ZNF521: variants seen among roughly 807,000 people sequenced by gnomAD.
ZNF521 encodes the protein zinc finger protein 521, also known as LYST-interacting protein 3.
A neutral mutation model predicts 105.5 loss-of-function variants in ZNF521; 14 were observed. The ratio of observed to expected loss-of-function variants is 0.13; its 90% confidence interval spans 0.09 to 0.21. The LOEUF (loss-of-function observed/expected upper bound fraction) is 0.21. ZNF521 is among the 10% of genes least tolerant of loss of function. The pLI is 1.00. For missense variants in ZNF521, 1,233 were observed against 1,629.7 expected, an observed-to-expected ratio of 0.76 and a Z score of 4.19; for synonymous variants, 635 against 606.0, an observed-to-expected ratio of 1.05 and a Z score of -0.70.
intron 6 of ZNF521, among the ~76,000 whole-genome samples, chr18:25,090,920 A>G (rs576743978): frequency 6.6e-6 from 1 of 152,338 alleles, no homozygotes; most frequent in East Asian, 1.9e-4. Context: ...AAGAGTTCCA[A>G]AAGAAGGATG....
At chr18:25,116,242 T>C (rs921615107) in intron 5 of ZNF521, among the ~76,000 whole-genome samples, 1 of 152,012 alleles carries the variant, frequency 6.6e-6, no homozygotes, top group African/African-American at 2.4e-5. Context: ...TGAACTGCCA[T>C]TGGAATAGAA....
chr18:25,276,332 C>T (rs1163397004), intron 3 of ZNF521, among the ~76,000 whole-genome samples: 4 of 151,410 alleles, frequency 2.6e-5, no homozygotes, highest in African/African-American at 9.7e-5. Context: ...AAATATAATA[C>T]CCAATAGACT....
At chr18:25,138,261 C>A (rs567276146) in intron 5 of ZNF521, among the ~76,000 whole-genome samples, 1 of 152,242 alleles carries the variant, frequency 6.6e-6, no homozygotes, top group Non-Finnish European at 1.5e-5. Context: ...CAGAGGGTGT[C>A]AAAGACCTCA....
intron 2 of ZNF521, among the ~76,000 whole-genome samples, chr18:25,346,160 C>T (rs1182276367): frequency 2.6e-5 from 4 of 151,918 alleles, no homozygotes; most frequent in African/African-American, 9.7e-5. Context: ...ATTACCTTTA[C>T]ACACAAACTT....
intron 2 of ZNF521, chr18:25,327,551 C>G (rs184187404): frequency 1.0e-5 from 7 of 694,656 alleles, no homozygotes; most frequent in Non-Finnish European, 1.6e-5. Flanking sequence ...TATGTTTATA[C>G]TTTTTAAGAA....
intron 7 of ZNF521, among the ~76,000 whole-genome samples, chr18:25,079,600 TAAGAGAGAGA>T (rs1197386145): frequency 1.1e-4 from 3 of 28,004 alleles, no homozygotes; most frequent in East Asian, 1.3e-3. Flanking sequence ...CAGGAAAAAG[TAAGAGAGAGA>T]GAGAGAGAGA....
intron 2 of ZNF521, chr18:25,327,455 AG>A: frequency 8.5e-7 from 1 of 1,170,896 alleles, no homozygotes; most frequent in Non-Finnish European, 1.1e-6. Flanking sequence ...ACACCTAAAA[AG>A]AAAATCAGAG....
At chr18:25,263,572 C>CTTTG (rs954112853) in intron 3 of ZNF521, among the ~76,000 whole-genome samples, 87 of 151,380 alleles carry the variant, frequency 5.7e-4, no homozygotes, top group African/African-American at 2.1e-3. Flanking sequence ...AGGTCAACAA[C>CTTTG]TTTGTTTGTT....
intron 7 of ZNF521, among the ~76,000 whole-genome samples, chr18:25,078,549 G>A (rs550503783): frequency 1.3e-5 from 2 of 152,146 alleles, no homozygotes; most frequent in Non-Finnish European, 2.9e-5. Flanking sequence ...CTTAATGCAT[G>A]ACCTCTCACC....
intron 3 of ZNF521, among the ~76,000 whole-genome samples, chr18:25,319,981 T>C (rs1912850273): frequency 6.6e-6 from 1 of 152,072 alleles, no homozygotes; most frequent in African/African-American, 2.4e-5. Flanking sequence ...AAAAATGTCA[T>C]GGTCAGGAAA....
chr18:25,133,977 G>C (rs958856263), intron 5 of ZNF521, among the ~76,000 whole-genome samples: 40 of 152,084 alleles, frequency 2.6e-4, no homozygotes, highest in Non-Finnish European at 4.6e-4. Context: ...CCAAAATCAT[G>C]TCAGTGTTCC....
chr18:25,270,088 C>T (rs552243627), intron 3 of ZNF521, among the ~76,000 whole-genome samples: 8 of 152,102 alleles, frequency 5.3e-5, no homozygotes, highest in South Asian at 4.1e-4. Flanking sequence ...CAATAAAAAA[C>T]GATAATGGGG....
At chr18:25,345,806 T>C (rs969732358) in intron 2 of ZNF521, among the ~76,000 whole-genome samples, 1 of 152,216 alleles carries the variant, frequency 6.6e-6, no homozygotes, top group African/African-American at 2.4e-5. Flanking sequence ...CAGTCACTGG[T>C]TGATAGATAA....
At chr18:25,068,541 C>A (rs8089996) in intron 7 of ZNF521, among the ~76,000 whole-genome samples, 92,008 of 151,748 alleles carry the variant, frequency 0.61, 28,661 homozygotes, top group African/African-American at 0.74. Context: ...ATTGGTTTCC[C>A]ACAGGCTGGA....
intron 3 of ZNF521, among the ~76,000 whole-genome samples, chr18:25,315,000 T>C (rs1912521494): frequency 6.6e-6 from 1 of 152,180 alleles, no homozygotes; most frequent in Admixed American, 6.5e-5. Context: ...TGCTATTAAA[T>C]CTTTGTTGAG....
At chr18:25,248,280 A>C (rs1314560301) in intron 3 of ZNF521, among the ~76,000 whole-genome samples, 1 of 152,216 alleles carries the variant, frequency 6.6e-6, no homozygotes, top group African/African-American at 2.4e-5. Context: ...AACACCTCTG[A>C]ATCTGAAATA....
At position 25,282,183 on chromosome 18, in the gene ZNF521, G is replaced by C. The variant is rs73395121; in HGVS notation, c.220+39825C>G. ...TTTGGAAGGTAAACTTGAGAACACA[G>C]AGCACCTATGAATATGTGTACTGGT... On this transcript the variant is annotated intron_variant, in intron 3 of 7. Transcript: ENST00000361524. 4.3e-3 allele frequency among the ~76,000 whole-genome samples: 662 copies of C among 152,264 alleles called. 5 individuals are homozygous for C. The highest frequency in any genetic ancestry group is 0.014 in the African/African-American group (599 of 41,540).
At chr18:25,333,188 C>T (rs923658837) in intron 2 of ZNF521, among the ~76,000 whole-genome samples, 2 of 151,310 alleles carry the variant, frequency 1.3e-5, no homozygotes, top group African/African-American at 4.9e-5. Context: ...AAAGTAATAT[C>T]AACGAAATCA....
intron 5 of ZNF521, among the ~76,000 whole-genome samples, chr18:25,168,692 T>G (rs185855868): frequency 6.6e-6 from 1 of 152,300 alleles, no homozygotes; most frequent in East Asian, 1.9e-4. Context: ...TAAGAACACA[T>G]TCCTTACACT....
Sources: gnomAD v4.1 joint callset for allele counts (sites outside exome capture counted in the v4.1 genomes callset) on GRCh38, gnomAD v4.1.1 for gene constraint, MANE v1.5 for transcripts, NCBI Gene and HGNC (gene_info 2026-07-23, HGNC 2026-07-21) for gene names.